TMEM40: variants seen among roughly 807,000 people sequenced by gnomAD.
The protein encoded by TMEM40 is transmembrane protein 40.
Under a neutral mutation model 40.8 loss-of-function variants are expected in TMEM40, and 34 were observed. That is an observed-to-expected ratio of 0.83 (90% confidence interval 0.63 to 1.11). The LOEUF (loss-of-function observed/expected upper bound fraction) is 1.11. Ranked by LOEUF, TMEM40 falls within the 50% of genes least tolerant of loss-of-function variation. The pLI, the probability that TMEM40 is intolerant of heterozygous loss-of-function variation, is 0.00. For synonymous variants in TMEM40, 106 were observed against 107.0 expected, an observed-to-expected ratio of 0.99 and a Z score of 0.06; for missense variants, 296 against 280.2, an observed-to-expected ratio of 1.06 and a Z score of -0.40.
At chr3:12,763,269 C>T (rs2061581137), upstream of TMEM40, among the ~76,000 whole-genome samples, 1 of 151,990 alleles carries the variant, frequency 6.6e-6, no homozygotes, top group East Asian at 1.9e-4. Flanking sequence ...TCAGGTACTT[C>T]CCTCCCTGAG....
intron 3 of TMEM40, among the ~76,000 whole-genome samples, chr3:12,747,172 A>G (rs947231939): frequency 2.7e-5 from 4 of 150,808 alleles, no homozygotes; most frequent in African/African-American, 7.3e-5. Flanking sequence ...CAACATGAGG[A>G]CATAAGACCA....
intron 3 of TMEM40, 137 bp from the exon 4 acceptor site, chr3:12,744,126 T>G (rs1007832117): frequency 6.4e-6 from 5 of 781,974 alleles, no homozygotes. Context: ...ATTTGGGGAC[T>G]GGAGGTAGGA....
chr3:12,768,136 G>T (rs964387507), intron 1 of TMEM40, among the ~76,000 whole-genome samples: 1 of 152,132 alleles, frequency 6.6e-6, no homozygotes, highest in Non-Finnish European at 1.5e-5. Flanking sequence ...GAATGAAGCT[G>T]CAGACCTTCG....
At chr3:12,761,828 A>T (rs1046444884), upstream of TMEM40, among the ~76,000 whole-genome samples, 6 of 152,116 alleles carry the variant, frequency 3.9e-5, no homozygotes, top group African/African-American at 7.2e-5. Flanking sequence ...TCAGGATTGA[A>T]ATGTGCTGTG....
At chr3:12,747,439 G>A (rs1467025) in intron 3 of TMEM40, among the ~76,000 whole-genome samples, 64,228 of 151,954 alleles carry the variant, frequency 0.42, 13,837 homozygotes, top group Non-Finnish European at 0.46. Flanking sequence ...ATGGGTTGCT[G>A]TGAGAATTGA....
intron 1 of TMEM40, among the ~76,000 whole-genome samples, chr3:12,751,521 G>A (rs529488648): frequency 7.7e-4 from 117 of 151,764 alleles, no homozygotes; most frequent in East Asian, 4.3e-3. Context: ...CTTGTGATCC[G>A]CCCGCCTTGA....
chr3:12,757,065 A>G (rs2061534692), intron 1 of TMEM40, among the ~76,000 whole-genome samples: 1 of 152,206 alleles, frequency 6.6e-6, no homozygotes, highest in Non-Finnish European at 1.5e-5. Context: ...AAAAATGGGC[A>G]TGCCTACAAC....
intron 10 of TMEM40, among the ~76,000 whole-genome samples, chr3:12,736,365 G>A (rs2061337146): frequency 6.6e-6 from 1 of 151,948 alleles, no homozygotes; most frequent in South Asian, 2.1e-4. Flanking sequence ...GGTCAAGCTG[G>A]TCTCAAACTC....
chr3:12,738,492 G>T, intron 6 of TMEM40, 61 bp downstream of exon 6: 1 of 1,577,770 alleles, frequency 6.3e-7, no homozygotes. Context: ...GGGGAGAGGT[G>T]ATGCCTAGAC....
upstream of TMEM40, chr3:12,759,397 C>T (rs79310298): frequency 4.6e-5 from 7 of 152,640 alleles, no homozygotes; most frequent in East Asian, 9.7e-4. Flanking sequence ...TCCTGTCTGA[C>T]TTGACTCTTC....
intron 5 of TMEM40, among the ~76,000 whole-genome samples, chr3:12,740,508 T>A (rs2106608755): frequency 7.2e-6 from 1 of 138,010 alleles, no homozygotes; most frequent in South Asian, 2.3e-4. Context: ...GAGACCATCC[T>A]GGCTAACACG....
Position 12,740,335 on chromosome 3 carries a change from C to T in TMEM40, c.356-1747G>A, listed in dbSNP as rs373353579. 2.0e-5 allele frequency among the ~76,000 whole-genome samples: 3 copies of T among 151,226 alleles called. No individual in the cohort carries two copies. In the South Asian group the frequency reaches 6.2e-4, roughly 31 times the overall value. On this transcript the variant is annotated intron_variant, in intron 5 of 11. Transcript: ENST00000314124. ...GAACTCCCAACCTCAAGTGATCCACCTGCCTCAGCCTCCCAAAGTGCTGGG... is the reference window on the plus strand; with the variant it reads ...GAACTCCCAACCTCAAGTGATCCACTTGCCTCAGCCTCCCAAAGTGCTGGG...
intron 1 of TMEM40, among the ~76,000 whole-genome samples, chr3:12,765,735 A>G (rs551741836): frequency 4.6e-5 from 7 of 151,890 alleles, no homozygotes; most frequent in Admixed American, 2.0e-4. Context: ...ACGCCCAGCT[A>G]ATTTTTTGTG....
chr3:12,737,264 G>A (rs1334329701), intron 8 of TMEM40, among the ~76,000 whole-genome samples: 4 of 150,098 alleles, frequency 2.7e-5, no homozygotes, highest in African/African-American at 9.8e-5. Context: ...CCTCCTAGAA[G>A]TCCCCATGGA....
rs1175819973 is a variant in TMEM40, at chr3:12,733,682, G to T, written c.*1092C>A. The T allele has an allele frequency of 6.6e-6, 1 of 152,018 alleles. No homozygotes were observed. The highest frequency in any genetic ancestry group is 2.4e-5 in the African/African-American group (1 of 41,392). 9.4% of individuals were successfully genotyped at this position (152,018 alleles called of 1,614,324 possible). The stretch of plus-strand genomic sequence containing the variant: ...AGAACAGCATGTCTGTGACCATCAA[G>T]AACTCAGTTCAAGTTCAGGATATCA... On this transcript the variant is annotated 3_prime_UTR_variant, in exon 12 of 12. Transcript: ENST00000314124.
In TMEM40 at chr3:12,737,833, G is replaced by C. The variant is rs1014691512; in HGVS notation, c.425-79C>G. ...GATTTTCTTTTCCCTGCCTCATTGA[G>C]AATTAATATCCTGGGTATATCTTCC... On this transcript the variant is annotated intron_variant, in intron 7 of 11. Transcript: ENST00000314124. 4.3e-6 allele frequency: 6 copies of C among 1,392,574 alleles called. No individual in the cohort carries two copies. In the African/African-American group the frequency reaches 7.1e-5, roughly 16 times the overall value. 86.3% of individuals were successfully genotyped at this position (1,392,574 alleles called of 1,614,324 possible).
chr3:12,743,423 C>T (rs1478102014), intron 4 of TMEM40, among the ~76,000 whole-genome samples: 2 of 152,064 alleles, frequency 1.3e-5, no homozygotes, highest in Non-Finnish European at 2.9e-5. Flanking sequence ...GCTGAGATCA[C>T]GCCATTGCAC....
At chr3:12,740,452 A>G (rs879575202) in intron 5 of TMEM40, among the ~76,000 whole-genome samples, 1 of 150,316 alleles carries the variant, frequency 6.7e-6, no homozygotes, top group Non-Finnish European at 1.5e-5. Flanking sequence ...CTCTAATCCC[A>G]GCACTTTGGG....
chr3:12,742,446 C>G lies in TMEM40; in HGVS notation c.355+8G>C. On this transcript the variant is annotated splice_region_variant and intron_variant, in intron 5 of 11. Coordinates refer to ENST00000314124, the MANE Select transcript of TMEM40 (RefSeq NM_018306.4). ...TGTTTTCTCCAAAGCTACTGGGCAA[C>G]TGATTACCTCCATAGAGTTGAAGCT... The G allele has an allele frequency of 6.2e-7, 1 of 1,613,354 alleles. No individual in the cohort carries two copies. The highest frequency in any genetic ancestry group is 8.5e-7 in the Non-Finnish European group (1 of 1,179,426).
Sources: allele counts gnomAD v4.1 joint callset (sites outside exome capture counted in the v4.1 genomes callset), GRCh38; gene constraint gnomAD v4.1.1; transcripts MANE v1.5; gene names NCBI Gene and HGNC (gene_info 2026-07-23, HGNC 2026-07-21).